The following MSI2 variants were observed in gnomAD, a reference collection of about 807,000 sequenced individuals.
MSI2 encodes the protein musashi RNA binding protein 2, also known as RNA-binding protein Musashi homolog 2.
In MSI2, 17 loss-of-function variants were observed where a neutral mutation model predicts 45.6. The observed-to-expected ratio is 0.37, with a 90% CI of 0.26 to 0.56. The LOEUF is 0.56. Among genes scored for constraint, MSI2 ranks in the 20% least tolerant of loss-of-function variants. The pLI, the probability that MSI2 is intolerant of heterozygous loss-of-function variation, is 0.77. For missense variants in MSI2, 293 were observed against 444.2 expected, an observed-to-expected ratio of 0.66 and a Z score of 3.06; for synonymous variants, 156 against 158.2, an observed-to-expected ratio of 0.99 and a Z score of 0.11.
Position 57,632,342 on chromosome 17 carries a change from C to T in MSI2, c.727+5039C>T, listed in dbSNP as rs1909460564. The stretch of plus-strand genomic sequence containing the variant: ...GACTATTCTCTAAGAATGTGAGAAA[C>T]CTGATCTGGAAGAGGAGCTATATAA... On this transcript the variant is annotated intron_variant, in intron 10 of 13. Transcript: ENST00000284073. 1.1e-5 allele frequency: 12 copies of T among 1,066,632 alleles called. No individual in the cohort carries two copies. The South Asian group carries it at 2.3e-4, about 20-fold the overall frequency. The allele number at this position is 1,066,632 out of a possible 1,614,324, so 66.1% of individuals were successfully genotyped here.
chr17:57,294,804 G>A (rs570071252), intron 5 of MSI2: 4 of 152,454 alleles, frequency 2.6e-5, no homozygotes, highest in Admixed American at 6.5e-5. Flanking sequence ...TTAGCATTTA[G>A]TAATGTGGTT....
intron 6 of MSI2, chr17:57,448,180 C>T (rs2084934050): frequency 6.6e-6 from 1 of 152,168 alleles, no homozygotes; most frequent in Non-Finnish European, 1.5e-5. Flanking sequence ...ATAAAGACGT[C>T]CCTAATTGTT....
At chr17:57,698,892 A>AGTGTGTGTGTGT in the MSI2 span, among the ~76,000 whole-genome samples, 12 of 118,630 alleles carry the variant, frequency 1.0e-4, 1 homozygote, top group Admixed American at 6.1e-4. Context: ...GATACAAGGA[A>AGTGTGTGTGTGT]GTGTGTGTGT....
chr17:57,566,173 A>G (rs2087727185), intron 7 of MSI2, among the ~76,000 whole-genome samples: 1 of 152,182 alleles, frequency 6.6e-6, no homozygotes, highest in Non-Finnish European at 1.5e-5. Context: ...TGTGTACGGC[A>G]CAGTCCTTGA....
intron 7 of MSI2, among the ~76,000 whole-genome samples, chr17:57,545,256 T>C (rs1016835449): frequency 5.3e-5 from 8 of 152,086 alleles, no homozygotes; most frequent in African/African-American, 1.9e-4. Flanking sequence ...GGTGAGTGAA[T>C]TGAACAGACA....
intron 10 of MSI2, among the ~76,000 whole-genome samples, chr17:57,643,762 T>C (rs1910432283): frequency 6.6e-6 from 1 of 152,246 alleles, no homozygotes; most frequent in South Asian, 2.1e-4. Context: ...TACATACATA[T>C]CTTTTTTAAA....
intron 6 of MSI2, among the ~76,000 whole-genome samples, chr17:57,510,078 T>G (rs972684866): frequency 6.6e-6 from 1 of 152,042 alleles, no homozygotes; most frequent in Non-Finnish European, 1.5e-5. Context: ...CAGTTTGTTC[T>G]TAATTGCGCT....
At chr17:57,575,999 A>G (rs1267561099) in intron 7 of MSI2, among the ~76,000 whole-genome samples, 1 of 151,688 alleles carries the variant, frequency 6.6e-6, no homozygotes, top group Non-Finnish European at 1.5e-5. Context: ...GGTGGATTGA[A>G]GAAGCAGCCC....
At chr17:57,479,601 A>G (rs2085609223) in intron 6 of MSI2, among the ~76,000 whole-genome samples, 3 of 152,226 alleles carry the variant, frequency 2.0e-5, no homozygotes, top group Admixed American at 2.0e-4. Flanking sequence ...CATCAAAAGA[A>G]TCAGGATTAG....
rs2083988232 is a variant in MSI2, at chr17:57,401,421, G to A, written c.355G>A (p.Ala119Thr). Residue 119 changes from alanine to threonine, a missense_variant, in exon 6 of 14, where the codon GCG becomes ACG. Physicochemically the swap from Ala to Thr is moderately conservative, Grantham distance 58. Coordinates refer to ENST00000284073, the MANE Select transcript of MSI2 (RefSeq NM_138962.4). ...TKKIFVGGLSANTVVEDVKQY... is the reference protein window; with the variant it reads ...TKKIFVGGLSTNTVVEDVKQY... ...GAAAATATTTGTAGGCGGGTTATCTGCGAACACAGTAGTGGAAGATGTAAA... is the reference window on the plus strand; with the variant it reads ...GAAAATATTTGTAGGCGGGTTATCTACGAACACAGTAGTGGAAGATGTAAA... 1 of 1,614,104 alleles carries A rather than the reference G, an allele frequency of 6.2e-7. No homozygotes were observed. Among genetic ancestry groups the A allele is most frequent in the South Asian group, 1.1e-5 (1 of 91,096 alleles).
chr17:57,333,681 A>G (rs537315260), intron 5 of MSI2, among the ~76,000 whole-genome samples: 28 of 151,932 alleles, frequency 1.8e-4, no homozygotes, highest in African/African-American at 6.5e-4. Flanking sequence ...ACCTCAGGTG[A>G]TCTGCTGGCC....
At chr17:57,528,839 G>C (rs1371093528) in intron 6 of MSI2, among the ~76,000 whole-genome samples, 1 of 152,048 alleles carries the variant, frequency 6.6e-6, no homozygotes, top group Non-Finnish European at 1.5e-5. Flanking sequence ...TGAGGTCCTG[G>C]GGGTTAGGAC....
At chr17:57,561,307 C>G (rs1363512956) in intron 7 of MSI2, among the ~76,000 whole-genome samples, 3 of 152,168 alleles carry the variant, frequency 2.0e-5, no homozygotes, top group Non-Finnish European at 2.9e-5. Flanking sequence ...CTGGAACACA[C>G]TGTATGTGCA....
the MSI2 span, among the ~76,000 whole-genome samples, chr17:57,699,854 C>T: frequency 1.3e-5 from 2 of 152,234 alleles, no homozygotes; most frequent in African/African-American, 2.4e-5. Context: ...CCCTCGCCAC[C>T]CCTCCCACAG....
At chr17:57,455,385 A>AATT (rs2085093497) in intron 6 of MSI2, among the ~76,000 whole-genome samples, 1 of 152,060 alleles carries the variant, frequency 6.6e-6, no homozygotes, top group African/African-American at 2.4e-5. Context: ...ATTGCTTGTG[A>AATT]ATTAGCATGT....
chr17:57,576,954 G>C (rs1473078973), intron 7 of MSI2, among the ~76,000 whole-genome samples: 2 of 152,102 alleles, frequency 1.3e-5, no homozygotes, highest in Non-Finnish European at 2.9e-5. Flanking sequence ...CCGGTATTTG[G>C]TTGCACTGCT....
intron 6 of MSI2, among the ~76,000 whole-genome samples, chr17:57,512,968 C>CTTTTTTTTTTTTTTTTTTTTTTTT (rs34727727): frequency 8.7e-6 from 1 of 114,718 alleles, no homozygotes; most frequent in Admixed American, 9.9e-5. Context: ...TAGCTTCTTC[C>CTTTTTTTTTTTTTTTTTTTTTTTT]TTTTTTTTTT....
chr17:57,401,833 G>A (rs2083997616), intron 6 of MSI2, among the ~76,000 whole-genome samples: 1 of 152,174 alleles, frequency 6.6e-6, no homozygotes, highest in African/African-American at 2.4e-5. Flanking sequence ...AGGCCTGCAG[G>A]TTGGTGCTGG....
chr17:57,364,763 T>C (rs1442723205), intron 5 of MSI2, among the ~76,000 whole-genome samples: 1 of 152,140 alleles, frequency 6.6e-6, no homozygotes, highest in Non-Finnish European at 1.5e-5. Flanking sequence ...TTTCCTGTGA[T>C]CCCAAGCTCC....
Sources: allele counts gnomAD v4.1 joint callset (sites outside exome capture counted in the v4.1 genomes callset), GRCh38; gene constraint gnomAD v4.1.1; transcripts MANE v1.5; gene names NCBI Gene and HGNC (gene_info 2026-07-23, HGNC 2026-07-21).